AGBL4: variants seen among roughly 807,000 people sequenced by gnomAD.
The protein encoded by AGBL4 is AGBL carboxypeptidase 4, also known as cytosolic carboxypeptidase 6.
A neutral mutation model predicts 66.4 loss-of-function variants in AGBL4; 58 were observed. The ratio of observed to expected loss-of-function variants is 0.87; its 90% CI spans 0.71 to 1.09. The LOEUF (loss-of-function observed/expected upper bound fraction) is 1.09. AGBL4 is among the 50% of genes least tolerant of loss of function. The probability of loss-of-function intolerance (pLI) is 0.00; values close to 1 mark genes in which losing one functional copy is unlikely to be tolerated. For missense variants in AGBL4, 579 were observed against 631.0 expected, an observed-to-expected ratio of 0.92 and a Z score of 0.88; for synonymous variants, 234 against 222.9, an observed-to-expected ratio of 1.05 and a Z score of -0.44.
At chr1:48,529,826 T>C (rs1263958994), downstream of AGBL4, among the ~76,000 whole-genome samples, 2 of 152,104 alleles carry the variant, frequency 1.3e-5, no homozygotes, top group Admixed American at 6.5e-5. Flanking sequence ...CCAGGGGCCC[T>C]CTGCATGTCA....
intron 2 of AGBL4, among the ~76,000 whole-genome samples, chr1:49,745,073 T>C (rs971677875): frequency 3.9e-5 from 6 of 152,042 alleles, no homozygotes; most frequent in African/African-American, 1.4e-4. Flanking sequence ...ATTCATTAAA[T>C]TAAATGTAAA....
chr1:49,492,005 T>A, intron 3 of AGBL4, among the ~76,000 whole-genome samples: 1 of 152,048 alleles, frequency 6.6e-6, no homozygotes, highest in African/African-American at 2.4e-5. Flanking sequence ...TATAATAAAC[T>A]GTAATGAAAG....
chr1:48,605,127 G>C (rs547433824), intron 9 of AGBL4, among the ~76,000 whole-genome samples: 46 of 152,260 alleles, frequency 3.0e-4, no homozygotes, highest in Non-Finnish European at 5.1e-4. Context: ...GCTAGTAAGC[G>C]TCAGAGCCAA....
At chr1:49,826,940 T>G (rs970149166) in intron 2 of AGBL4, among the ~76,000 whole-genome samples, 1 of 152,066 alleles carries the variant, frequency 6.6e-6, no homozygotes, top group South Asian at 2.1e-4. Flanking sequence ...AGAAAGTAAG[T>G]TTGGGTACAG....
rs762466071 is a variant in AGBL4 at position 48,935,895 on chromosome 1, G to A, written c.595-68665C>T. Among the ~76,000 whole-genome samples the A allele has an allele frequency of 8.8e-5, 12 of 137,010 alleles. No homozygotes were observed. The East Asian group carries it at 1.2e-3, about 14-fold the overall frequency. The allele number at this position is 137,010 out of a possible 152,430, so 89.9% of individuals were successfully genotyped here. A position where few individuals can be genotyped will look rare whatever the true frequency, so the allele number is the denominator to read the frequency against. ...AATCGCTTGAACCTGGGAGGCGGAC[G>A]TTGCAGTGAGCCAAAATCATGCCAC... On this transcript the variant is annotated intron_variant, in intron 5 of 13. Coordinates refer to ENST00000371839, the MANE Select transcript of AGBL4 (RefSeq NM_032785.4).
rs139682160 is a variant in AGBL4 at position 49,167,846 on chromosome 1, T to G, written c.377+77924A>C. Among the ~76,000 whole-genome samples the G allele has an allele frequency of 9.2e-5, 14 of 152,314 alleles. No individual in the cohort carries two copies. The East Asian group carries it at 2.5e-3, about 27-fold the overall frequency. ...CCTTATTGTACTTTATTTTGTTTTG[T>G]CTACAGTTGGTTCTCTGCAGGTTCT... is the stretch of plus-strand genomic sequence containing the variant. On this transcript the variant is annotated intron_variant, in intron 4 of 13. Transcript: ENST00000371839.
chr1:48,676,936 G>A (rs1646375420), intron 6 of AGBL4, among the ~76,000 whole-genome samples: 1 of 152,094 alleles, frequency 6.6e-6, no homozygotes, highest in East Asian at 1.9e-4. Context: ...GCAGCCACAA[G>A]GAGAAGAGGA....
intron 8 of AGBL4, among the ~76,000 whole-genome samples, chr1:48,636,151 A>T (rs1292663366): frequency 6.6e-6 from 1 of 152,200 alleles, no homozygotes. Context: ...CCAGAAGTAG[A>T]ATTGCTTGGT....
chr1:49,348,328 G>A (rs1020605898), intron 3 of AGBL4, among the ~76,000 whole-genome samples: 11 of 152,072 alleles, frequency 7.2e-5, no homozygotes, highest in African/African-American at 2.2e-4. Context: ...TGAGGCAGGA[G>A]AATGGCATGA....
At chr1:49,678,505 A>T (rs1432970758) in intron 3 of AGBL4, among the ~76,000 whole-genome samples, 2 of 151,976 alleles carry the variant, frequency 1.3e-5, no homozygotes, top group Non-Finnish European at 2.9e-5. Context: ...GCATTGGGTT[A>T]ATTTTTATCT....
At chr1:49,608,919 TC>T (rs939839925) in intron 3 of AGBL4, among the ~76,000 whole-genome samples, 6 of 152,128 alleles carry the variant, frequency 3.9e-5, no homozygotes, top group Non-Finnish European at 7.4e-5. Context: ...CTCACTACCA[TC>T]ACCCCTCCCC....
intron 1 of AGBL4, among the ~76,000 whole-genome samples, chr1:49,864,750 G>A (rs1416900756): frequency 6.6e-6 from 1 of 152,196 alleles, no homozygotes; most frequent in Non-Finnish European, 1.5e-5. Context: ...TAGTTCAGCT[G>A]GAGACTGCCT....
At chr1:49,376,347 T>C (rs1340306949) in intron 3 of AGBL4, among the ~76,000 whole-genome samples, 1 of 152,048 alleles carries the variant, frequency 6.6e-6, no homozygotes, top group Admixed American at 6.6e-5. Context: ...CCCCCTATCC[T>C]TTCTTCTCTT....
intron 3 of AGBL4, among the ~76,000 whole-genome samples, chr1:49,414,190 C>T (rs1165896928): frequency 6.6e-6 from 1 of 151,992 alleles, no homozygotes; most frequent in Non-Finnish European, 1.5e-5. Context: ...TATATGTAGA[C>T]ACATACACAT....
chr1:48,592,153 C>A (rs1189226272), intron 9 of AGBL4, among the ~76,000 whole-genome samples: 1 of 152,180 alleles, frequency 6.6e-6, no homozygotes, highest in Non-Finnish European at 1.5e-5. Context: ...TGACCAAGCT[C>A]ACAGAATAAC....
At chr1:49,020,141 G>T (rs1339921037) in intron 5 of AGBL4, among the ~76,000 whole-genome samples, 1 of 152,142 alleles carries the variant, frequency 6.6e-6, no homozygotes, top group Non-Finnish European at 1.5e-5. Context: ...ATTCAAATGC[G>T]ATCTGTCTGA....
intron 6 of AGBL4, among the ~76,000 whole-genome samples, chr1:48,709,172 C>G (rs76488780): frequency 0.022 from 3,297 of 152,308 alleles, 120 homozygotes; most frequent in African/African-American, 0.073. Flanking sequence ...AGCTCCAAGC[C>G]TGCTTCACTG....
At chr1:49,587,672 GTTCC>G (rs1644677172) in intron 3 of AGBL4, among the ~76,000 whole-genome samples, 1 of 152,088 alleles carries the variant, frequency 6.6e-6, no homozygotes, top group African/African-American at 2.4e-5. Context: ...TTGCTAAACA[GTTCC>G]TTGGCAACAC....
At chr1:48,824,236 C>T (rs1365691262) in intron 6 of AGBL4, among the ~76,000 whole-genome samples, 1 of 152,134 alleles carries the variant, frequency 6.6e-6, no homozygotes, top group Non-Finnish European at 1.5e-5. Context: ...AGATGACAGT[C>T]ACAAACCAGC....
Sources: gnomAD v4.1 joint callset for allele counts (sites outside exome capture counted in the v4.1 genomes callset) on GRCh38, gnomAD v4.1.1 for gene constraint, MANE v1.5 for transcripts, NCBI Gene and HGNC (gene_info 2026-07-23, HGNC 2026-07-21) for gene names.